USP22: variants seen among roughly 807,000 people sequenced by gnomAD.
USP22 encodes ubiquitin carboxyl-terminal hydrolase 22.
A neutral mutation model predicts 68.1 loss-of-function variants in USP22; 22 were observed. The ratio of observed to expected loss-of-function variants is 0.32; its 90% CI spans 0.23 to 0.46. The LOEUF (loss-of-function observed/expected upper bound fraction) is 0.46, where lower values mean the gene tolerates loss of function less well. USP22 is among the 20% of genes least tolerant of loss of function. The pLI, the probability that USP22 is intolerant of heterozygous loss-of-function variation, is 1.00. For synonymous variants in USP22, 279 were observed against 274.2 expected (o/e 1.02, Z -0.17); for missense variants, 433 against 695.8 (o/e 0.62, Z 4.25).
rs560146851 is a variant in USP22, at chr17:21,025,936, T to C, written c.304+2606A>G. On this transcript the variant is annotated intron_variant, in intron 2 of 12. Coordinates refer to ENST00000261497, the MANE Select transcript of USP22 (RefSeq NM_015276.2). ...TGGAGGACACACAACATTGTAAATG[T>C]GCTAAATGTCACCGACTTGTAGACT... 2.0e-3 allele frequency among the ~76,000 whole-genome samples: 308 copies of C among 152,326 alleles called. 1 individual carries two copies. The highest frequency in any genetic ancestry group is 2.2e-3 in the Non-Finnish European group (147 of 68,028).
At chr17:21,012,116 A>T (rs1913989653) in intron 7 of USP22, among the ~76,000 whole-genome samples, 1 of 152,106 alleles carries the variant, frequency 6.6e-6, no homozygotes, top group South Asian at 2.1e-4. Context: ...CAGGGTTTTT[A>T]AACTTCAACT....
At chr17:21,016,034 T>C (rs1914123004) in intron 5 of USP22, 135 bp from the exon 6 acceptor site, 8 of 1,213,792 alleles carry the variant, frequency 6.6e-6, no homozygotes, top group Non-Finnish European at 8.8e-6. Flanking sequence ...GGATTTTACT[T>C]TTCTACTTTT....
chr17:21,038,296 T>C (rs1156943716), intron 1 of USP22, among the ~76,000 whole-genome samples: 1 of 150,386 alleles, frequency 6.6e-6, no homozygotes, highest in Admixed American at 6.6e-5. Context: ...ACTATGAAAA[T>C]AAAAACAAGT....
rs1972150349 is a variant in USP22 at position 21,021,009 on chromosome 17, C to A, written c.418+104G>T. The A allele has an allele frequency of 5.6e-6, 5 of 887,616 alleles. No individual in the cohort carries two copies. In the Admixed American group the frequency reaches 8.2e-5, roughly 15 times the overall value. 55.0% of individuals were successfully genotyped at this position (887,616 alleles called of 1,614,324 possible). On this transcript the variant is annotated intron_variant, in intron 3 of 12. Transcript: ENST00000261497. ...GTGGGGACGGCCTCTTCCCACCAGC[C>A]TGCCACTTCCCACCTAGGTACTTCT...
chr17:21,043,067 G>A (rs1294589996), upstream of USP22: 4 of 236,092 alleles, frequency 1.7e-5, no homozygotes, highest in Non-Finnish European at 3.2e-5. Flanking sequence ...GCGCTCTCGC[G>A]GTTCGCGGAG....
intron 2 of USP22, among the ~76,000 whole-genome samples, chr17:21,023,281 C>T (rs571756497): frequency 8.5e-5 from 13 of 152,220 alleles, no homozygotes; most frequent in Middle Eastern, 3.4e-3. Flanking sequence ...TACACCAAAC[C>T]ACTGAATAAT....
At position 21,011,165 on chromosome 17, in the gene USP22, C is replaced by T. The variant is rs559441248; in HGVS notation, c.1089G>A (p.Thr363=). The change falls in exon 8 of 13, where the codon ACG becomes ACA. Residue 363 remains threonine (T), a synonymous_variant. Coordinates refer to ENST00000261497, the MANE Select transcript of USP22 (RefSeq NM_015276.2). ...AGGCCTCTCACCGTCGCAGGCAGTCCGTGAGCGTGGTGGTTCCCGACACGT... is the reference window on the plus strand; with the variant it reads ...AGGCCTCTCACCGTCGCAGGCAGTCTGTGAGCGTGGTGGTTCCCGACACGT... ...ESHVSGTTTL[T]DCLRRFTRPE... is the part of the protein sequence containing the mutation. The T allele has an allele frequency of 4.4e-5, 70 of 1,601,506 alleles. 2 individuals are homozygous for T. The South Asian group carries it at 6.2e-4, about 14-fold the overall frequency.
chr17:21,042,156 TTC>T (rs113422424), intron 1 of USP22: 3 of 152,474 alleles, frequency 2.0e-5, no homozygotes, highest in African/African-American at 4.8e-5. Flanking sequence ...TTTGAAATAT[TTC>T]TTTCTCTGCA....
At chr17:21,041,789 TAC>T (rs1472099646) in intron 1 of USP22, among the ~76,000 whole-genome samples, 1 of 152,246 alleles carries the variant, frequency 6.6e-6, no homozygotes, top group Non-Finnish European at 1.5e-5. Flanking sequence ...AGAATCACGT[TAC>T]GTTTTGATTT....
At chr17:21,041,146 G>A (rs1373341812) in intron 1 of USP22, among the ~76,000 whole-genome samples, 1 of 151,488 alleles carries the variant, frequency 6.6e-6, no homozygotes, top group Non-Finnish European at 1.5e-5. Context: ...GCCTCCCCAC[G>A]TGCTGGGATT....
At chr17:21,004,830 G>T in intron 11 of USP22, 98 bp downstream of exon 11, 2 of 1,384,956 alleles carry the variant, frequency 1.4e-6, no homozygotes, top group Non-Finnish European at 2.0e-6. Flanking sequence ...GCAGGTCAGT[G>T]GCGGGGGATC....
chr17:21,021,897 C>T (rs1432622775), intron 2 of USP22, among the ~76,000 whole-genome samples: 1 of 152,066 alleles, frequency 6.6e-6, no homozygotes, highest in Non-Finnish European at 1.5e-5. Flanking sequence ...GCCAGGAGTT[C>T]AAGACCAGCC....
intron 9 of USP22, among the ~76,000 whole-genome samples, chr17:21,007,556 A>T (rs8079468): frequency 0.28 from 42,492 of 152,068 alleles, 6,390 homozygotes; most frequent in African/African-American, 0.39. Context: ...TTTGTCTTAA[A>T]ATAAAACAGA....
chr17:21,037,209 A>T (rs1199293757), intron 1 of USP22, among the ~76,000 whole-genome samples: 1 of 152,246 alleles, frequency 6.6e-6, no homozygotes, highest in South Asian at 2.1e-4. Flanking sequence ...GAATAAACAC[A>T]CGAGTGAGGA....
At chr17:21,024,740 G>T (rs1972199986) in intron 2 of USP22, among the ~76,000 whole-genome samples, 1 of 152,134 alleles carries the variant, frequency 6.6e-6, no homozygotes, top group Non-Finnish European at 1.5e-5. Context: ...GGCAGAGATG[G>T]GAGGATCACT....
At chr17:21,039,724 A>G (rs919825712) in intron 1 of USP22, among the ~76,000 whole-genome samples, 3 of 152,174 alleles carry the variant, frequency 2.0e-5, no homozygotes, top group African/African-American at 7.2e-5. Context: ...CGTAATTCCT[A>G]TTCATTCAGG....
Position 21,012,943 on chromosome 17 carries a change from C to T in USP22, c.839-8G>A. On this transcript the variant is annotated splice_region_variant and splice_polypyrimidine_tract_variant and intron_variant, in intron 6 of 12. Transcript: ENST00000261497. ...TCTTCCCATTGTCATCACCTGGAGACAGACCACGGCTCTGGGATTAGTGTC... is the reference window on the plus strand; with the variant it reads ...TCTTCCCATTGTCATCACCTGGAGATAGACCACGGCTCTGGGATTAGTGTC... 6.2e-7 allele frequency: 1 copy of T among 1,613,162 alleles called. No homozygotes were observed. The highest frequency in any genetic ancestry group is 8.5e-7 in the Non-Finnish European group (1 of 1,179,318).
intron 2 of USP22, among the ~76,000 whole-genome samples, chr17:21,025,546 A>T (rs770768971): frequency 3.9e-5 from 6 of 152,208 alleles, no homozygotes; most frequent in Admixed American, 3.9e-4. Context: ...AATTACACAC[A>T]ATGTCCACAG....
chr17:21,007,661 C>A (rs8079097), intron 9 of USP22, among the ~76,000 whole-genome samples: 1 of 152,084 alleles, frequency 6.6e-6, no homozygotes, highest in African/African-American at 2.4e-5. Context: ...ACTTTCACTG[C>A]GAAGCCACTG....
Sources: allele counts gnomAD v4.1 joint callset (sites outside exome capture counted in the v4.1 genomes callset), GRCh38; gene constraint gnomAD v4.1.1; transcripts MANE v1.5; gene names NCBI Gene and HGNC (gene_info 2026-07-23, HGNC 2026-07-21).